Variants in SERPINB12 observed in about 807,000 individuals in gnomAD.
SERPINB12 encodes the protein serpin family B member 12.
SERPINB12 carries 57 observed loss-of-function variants against 41.1 expected under a neutral mutation model. The ratio of observed to expected loss-of-function variants is 1.39; its 90% CI spans 1.12 to 1.73. The LOEUF (loss-of-function observed/expected upper bound fraction) is 1.73, where lower values mean the gene tolerates loss of function less well. Ranked by LOEUF, SERPINB12 falls within the 40% of genes most tolerant of loss-of-function variation. The pLI, the probability that SERPINB12 is intolerant of heterozygous loss-of-function variation, is 0.00. For missense variants in SERPINB12, 536 were observed against 501.9 expected (o/e 1.07, Z -0.65); for synonymous variants, 180 against 181.3 (o/e 0.99, Z 0.06).
In SERPINB12 at chr18:63,556,124, C is replaced by CTTTTTTTTTTT; in HGVS notation, c.-18-9_-18-8insTTTTTTTTTTT. The CTTTTTTTTTTT allele has an allele frequency of 6.6e-7, 1 of 1,507,278 alleles. No individual in the cohort carries two copies. Among genetic ancestry groups the CTTTTTTTTTTT allele is most frequent in the Non-Finnish European group, 9.0e-7 (1 of 1,105,192 alleles). The allele number at this position is 1,507,278 out of a possible 1,614,324, so 93.4% of individuals were successfully genotyped here. A position where few individuals can be genotyped will look rare whatever the true frequency, so the allele number is the denominator to read the frequency against. ...TTCCAATCACCATTTTCTCTTTCTC[C>CTTTTTTTTTTT]TTTTTTTTTGGTTTTAGATCGTTAT... is the stretch of plus-strand genomic sequence containing the variant. On this transcript the variant is annotated splice_polypyrimidine_tract_variant and intron_variant, in intron 1 of 7. Coordinates refer to ENST00000382768, the MANE Select transcript of SERPINB12 (RefSeq NM_001307928.2).
chr18:63,551,719 C>A (rs1910535688), intron 1 of SERPINB12, among the ~76,000 whole-genome samples: 1 of 152,158 alleles, frequency 6.6e-6, no homozygotes, highest in East Asian at 1.9e-4. Flanking sequence ...TTGCTACATA[C>A]CTTTGAGAAA....
chr18:63,554,142 G>A (rs1328501420), intron 1 of SERPINB12, among the ~76,000 whole-genome samples: 1 of 152,158 alleles, frequency 6.6e-6, no homozygotes, highest in African/African-American at 2.4e-5. Flanking sequence ...GAATAAGGGG[G>A]GAGAGTACCC....
the SERPINB12 span, among the ~76,000 whole-genome samples, chr18:63,531,418 G>A: frequency 2.4e-3 from 373 of 152,270 alleles, 1 homozygote; most frequent in African/African-American, 8.7e-3. Context: ...AACTCAGATA[G>A]CATTGTTCTT....
chr18:63,520,175 T>C, the SERPINB12 span, among the ~76,000 whole-genome samples: 1 of 152,218 alleles, frequency 6.6e-6, no homozygotes, highest in Non-Finnish European at 1.5e-5. Context: ...CGGTTGGGCC[T>C]ACTCCCTATA....
chr18:63,560,887 C>A (rs1039427048), intron 4 of SERPINB12, among the ~76,000 whole-genome samples, 198 bp from the exon 5 acceptor site: 1 of 152,168 alleles, frequency 6.6e-6, no homozygotes, highest in Non-Finnish European at 1.5e-5. Flanking sequence ...TTGATATCCT[C>A]ATTTTTCACT....
At chr18:63,533,142 T>C in the SERPINB12 span, among the ~76,000 whole-genome samples, 1 of 152,124 alleles carries the variant, frequency 6.6e-6, no homozygotes, top group South Asian at 2.1e-4. Context: ...CATGCCTGGC[T>C]AATTCTTGTA....
In SERPINB12 at chr18:63,565,470, T is replaced by C. The variant is rs1380587104; in HGVS notation, c.731T>C (p.Met244Thr). 3.1e-6 allele frequency: 5 copies of C among 1,613,534 alleles called. No homozygotes were observed. In the African/African-American group the frequency reaches 5.3e-5, roughly 17 times the overall value. ...AATGAAAACAAGAGTGTGAAGATGA[T>C]GACGCAAAAAGGCCTCTACAGAATT... ...NANENKSVKM[M>T]TQKGLYRIGF... Residue 244 changes from methionine (M) to threonine (T), a missense_variant, in exon 7 of 8, where the codon ATG becomes ACG. Transcript: ENST00000382768.
chr18:63,523,343 A>G, the SERPINB12 span, among the ~76,000 whole-genome samples: 1 of 152,204 alleles, frequency 6.6e-6, no homozygotes, highest in African/African-American at 2.4e-5. Flanking sequence ...AGACAACATG[A>G]AGCACAAGAA....
intron 6 of SERPINB12, 133 bp downstream of exon 6, chr18:63,564,253 T>A: frequency 2.3e-6 from 2 of 869,184 alleles, no homozygotes; most frequent in Non-Finnish European, 3.5e-6. Context: ...TAAGAACCAG[T>A]ACCTGAATTT....
intron 2 of SERPINB12, 53 bp downstream of exon 2, chr18:63,556,380 A>G: frequency 6.5e-7 from 1 of 1,547,456 alleles, no homozygotes; most frequent in Non-Finnish European, 8.8e-7. Flanking sequence ...GTCCACACTC[A>G]AAGTCAGACC....
Position 63,568,881 on chromosome 18 carries a change from A to G in SERPINB12, c.*1870A>G, listed in dbSNP as rs1911204872. Among the ~76,000 whole-genome samples the G allele has an allele frequency of 6.6e-6, 1 of 152,170 alleles. No homozygotes were observed. The highest frequency in any genetic ancestry group is 1.5e-5 in the Non-Finnish European group (1 of 68,034). On this transcript the variant is annotated 3_prime_UTR_variant, in exon 8 of 8. Transcript: ENST00000382768. ...ATTGTTGAAGCTCACTTACGACCTA[A>G]AACAATTTGACGTTGGTAACGTGAG...
At chr18:63,530,947 C>A in the SERPINB12 span, among the ~76,000 whole-genome samples, 2 of 152,298 alleles carry the variant, frequency 1.3e-5, no homozygotes, top group African/African-American at 4.8e-5. Flanking sequence ...GGCACTTCCA[C>A]ATAATTATTT....
chr18:63,533,166 C>T, the SERPINB12 span, among the ~76,000 whole-genome samples: 3 of 152,064 alleles, frequency 2.0e-5, no homozygotes, highest in Non-Finnish European at 2.9e-5. Flanking sequence ...TTAGTAGAGA[C>T]GGGGTTTCAC....
chr18:63,545,116 C>T (rs1910355091), intron 1 of SERPINB12, among the ~76,000 whole-genome samples: 1 of 152,006 alleles, frequency 6.6e-6, no homozygotes, highest in South Asian at 2.1e-4. Context: ...TTGATTGGCT[C>T]ATAATTCTTG....
At chr18:63,556,886 T>A (rs1022890584) in intron 2 of SERPINB12, among the ~76,000 whole-genome samples, 1 of 152,218 alleles carries the variant, frequency 6.6e-6, no homozygotes, top group Non-Finnish European at 1.5e-5. Flanking sequence ...AACCATCTTT[T>A]CTCACCTGGA....
At chr18:63,539,397 A>G (rs531603042), upstream of SERPINB12, among the ~76,000 whole-genome samples, 3 of 152,290 alleles carry the variant, frequency 2.0e-5, no homozygotes, top group African/African-American at 7.2e-5. Flanking sequence ...TTTTCAGCAA[A>G]GCTGAATGAG....
chr18:63,551,429 G>A (rs1363160742), intron 1 of SERPINB12, among the ~76,000 whole-genome samples: 1 of 151,948 alleles, frequency 6.6e-6, no homozygotes, highest in African/African-American at 2.4e-5. Flanking sequence ...AGGTTCAAGC[G>A]ATTCTCCTGC....
At chr18:63,540,308 T>G (rs1568122672), upstream of SERPINB12, among the ~76,000 whole-genome samples, 1 of 152,166 alleles carries the variant, frequency 6.6e-6, no homozygotes, top group Non-Finnish European at 1.5e-5. Flanking sequence ...CATGCATTGC[T>G]GATGGGATCT....
chr18:63,566,119 A>G (rs2037000780), intron 7 of SERPINB12, among the ~76,000 whole-genome samples: 1 of 152,214 alleles, frequency 6.6e-6, no homozygotes, highest in Non-Finnish European at 1.5e-5. Context: ...AAAGAGATAA[A>G]GATAGAAGGA....
Sources: allele counts gnomAD v4.1 joint callset (sites outside exome capture counted in the v4.1 genomes callset), GRCh38; gene constraint gnomAD v4.1.1; transcripts MANE v1.5; gene names NCBI Gene and HGNC (gene_info 2026-07-23, HGNC 2026-07-21).